ABHD17C: variants seen among roughly 807,000 people sequenced by gnomAD.
ABHD17C encodes the protein alpha/beta hydrolase domain-containing protein 17C.
ABHD17C carries 11 observed loss-of-function variants against 27.9 expected under a neutral mutation model. The observed-to-expected ratio is 0.39, with a 90% CI of 0.25 to 0.65. The LOEUF (loss-of-function observed/expected upper bound fraction) is 0.65, where lower values mean the gene tolerates loss of function less well. ABHD17C is among the 30% of genes least tolerant of loss of function. The pLI is 0.45. For synonymous variants in ABHD17C, 233 were observed against 209.1 expected (o/e 1.11, Z -0.98); for missense variants, 280 against 470.2 (o/e 0.60, Z 3.74).
chr15:80,695,314 T>G lies in ABHD17C; in HGVS notation c.-116T>G. The G allele has an allele frequency of 1.7e-6, 1 of 601,926 alleles. No individual in the cohort carries two copies. Among genetic ancestry groups the G allele is most frequent in the East Asian group, 7.5e-5 (1 of 13,422 alleles). The allele number at this position is 601,926 out of a possible 1,614,324, so 37.3% of individuals were successfully genotyped here. A position where few individuals can be genotyped will look rare whatever the true frequency, so the allele number is the denominator to read the frequency against. ...TCCTCCTGCCGCCGGGCGGGCGGGC[T>G]GCAGCCGCCCTCCGCGCTCGCCTGC... On this transcript the variant is annotated 5_prime_UTR_variant, in exon 1 of 3. Transcript: ENST00000258884. This position sits in a 1 kb window ranked among gnomAD's most constrained non-coding sequence, Gnocchi z 4.3.
At chr15:80,727,628 G>A (rs1474694062) in intron 1 of ABHD17C, among the ~76,000 whole-genome samples, 1 of 152,004 alleles carries the variant, frequency 6.6e-6, no homozygotes, top group Non-Finnish European at 1.5e-5. Flanking sequence ...GTATGGGTGA[G>A]GACTGTGAAC....
chr15:80,696,102 G>T (rs1268934735), intron 1 of ABHD17C, 83 bp downstream of exon 1: 3 of 1,373,752 alleles, frequency 2.2e-6, no homozygotes, highest in Non-Finnish European at 2.9e-6. Context: ...GGGGCGGCCT[G>T]CCAGGAGAGG....
At chr15:80,709,502 C>CA (rs944980213) in intron 1 of ABHD17C, among the ~76,000 whole-genome samples, 3 of 142,182 alleles carry the variant, frequency 2.1e-5, no homozygotes, top group African/African-American at 7.5e-5. Context: ...AAAAAAAAAA[C>CA]AAAAAAACAC....
chr15:80,752,706 A>G (rs1303021596), intron 2 of ABHD17C, among the ~76,000 whole-genome samples: 4 of 152,254 alleles, frequency 2.6e-5, no homozygotes, highest in African/African-American at 9.6e-5. Context: ...AAATATGGAA[A>G]GAGAAGTAAA....
At position 80,755,339 on chromosome 15, in the gene ABHD17C, A is replaced by G. The variant is rs1895418691; in HGVS notation, c.*969A>G. ...ATGTAATTAAAATTTCACTAAACTAATCTTTTTAGTTTAGGAATTATTTGG... is the reference window on the plus strand; with the variant it reads ...ATGTAATTAAAATTTCACTAAACTAGTCTTTTTAGTTTAGGAATTATTTGG... On this transcript the variant is annotated 3_prime_UTR_variant, in exon 3 of 3. Coordinates refer to ENST00000258884, the MANE Select transcript of ABHD17C (RefSeq NM_021214.2). 1 of 152,212 alleles carries G rather than the reference A, an allele frequency of 6.6e-6. No individual in the cohort carries two copies. Among genetic ancestry groups the G allele is most frequent in the South Asian group, 2.1e-4 (1 of 4,830 alleles). 9.4% of individuals were successfully genotyped at this position (152,212 alleles called of 1,614,324 possible).
chr15:80,708,263 C>A (rs576666399), intron 1 of ABHD17C, among the ~76,000 whole-genome samples: 11 of 152,186 alleles, frequency 7.2e-5, no homozygotes, highest in African/African-American at 2.6e-4. Flanking sequence ...TACACTAGCC[C>A]GTTCTCCCCA....
At chr15:80,723,304 C>T (rs568436672) in intron 1 of ABHD17C, among the ~76,000 whole-genome samples, 42 of 152,336 alleles carry the variant, frequency 2.8e-4, no homozygotes, top group Middle Eastern at 3.4e-3. Context: ...GGGGTCACCA[C>T]TGACTTCTCA....
At chr15:80,708,166 G>T (rs1374150357) in intron 1 of ABHD17C, among the ~76,000 whole-genome samples, 1 of 152,094 alleles carries the variant, frequency 6.6e-6, no homozygotes, top group Non-Finnish European at 1.5e-5. Flanking sequence ...TCAGCCACAC[G>T]TTTCTATTAC....
chr15:80,750,704 T>G (rs1895354307), intron 2 of ABHD17C, among the ~76,000 whole-genome samples: 1 of 152,160 alleles, frequency 6.6e-6, no homozygotes, highest in Non-Finnish European at 1.5e-5. Flanking sequence ...CATGGGAAAG[T>G]TGCACTGCAG....
At chr15:80,726,464 T>C (rs1408761076) in intron 1 of ABHD17C, among the ~76,000 whole-genome samples, 1 of 151,788 alleles carries the variant, frequency 6.6e-6, no homozygotes. Context: ...GTTTCAAGGA[T>C]TTTCCCTTCT....
chr15:80,750,933 T>C (rs1218365125), intron 2 of ABHD17C, among the ~76,000 whole-genome samples: 2 of 152,006 alleles, frequency 1.3e-5, no homozygotes, highest in African/African-American at 4.8e-5. Context: ...TACAGCCATC[T>C]CAACAAATTG....
chr15:80,711,101 A>C (rs1475178649), intron 1 of ABHD17C, among the ~76,000 whole-genome samples: 1 of 152,142 alleles, frequency 6.6e-6, no homozygotes, highest in Non-Finnish European at 1.5e-5. Context: ...CCAAAAACAA[A>C]CCTGAAAGAA....
At chr15:80,739,670 C>G (rs898229212) in intron 1 of ABHD17C, among the ~76,000 whole-genome samples, 18 of 152,190 alleles carry the variant, frequency 1.2e-4, no homozygotes, top group African/African-American at 4.1e-4. Flanking sequence ...CTTCCTGAAG[C>G]CTCACCAGAA....
intron 1 of ABHD17C, among the ~76,000 whole-genome samples, chr15:80,701,947 G>T (rs2759301): frequency 6.6e-6 from 1 of 151,640 alleles, no homozygotes; most frequent in African/African-American, 2.4e-5. Flanking sequence ...TTGCCTCACC[G>T]TGTGGTTCGG....
chr15:80,719,548 A>T (rs1296576090), intron 1 of ABHD17C, among the ~76,000 whole-genome samples: 1 of 152,158 alleles, frequency 6.6e-6, no homozygotes, highest in Non-Finnish European at 1.5e-5. Flanking sequence ...CTATCATTTG[A>T]ATTTATAAGT....
chr15:80,706,742 C>T (rs1894654028), intron 1 of ABHD17C, among the ~76,000 whole-genome samples: 2 of 152,262 alleles, frequency 1.3e-5, no homozygotes, highest in Admixed American at 6.5e-5. Flanking sequence ...ATTATATGGA[C>T]TGCAAAGGTC....
In ABHD17C at chr15:80,741,580, T is replaced by C. The variant is rs1340512879; in HGVS notation, c.591-7933T>C. Among the ~76,000 whole-genome samples the C allele has an allele frequency of 2.6e-5, 4 of 152,160 alleles. No individual in the cohort carries two copies. The South Asian group carries it at 8.3e-4, about 32-fold the overall frequency. On this transcript the variant is annotated intron_variant, in intron 1 of 2. Transcript: ENST00000258884. ...ACCAACTTCAGCAGCAGTTGTCTCT[T>C]TTCTTATTAAGTTGAGAACTTCCTA...
intron 1 of ABHD17C, among the ~76,000 whole-genome samples, chr15:80,729,833 C>T (rs1233236338): frequency 6.6e-6 from 1 of 152,090 alleles, no homozygotes; most frequent in Non-Finnish European, 1.5e-5. Flanking sequence ...GAACTCAGGC[C>T]GGGTGCAGTG....
At chr15:80,728,695 G>A (rs1377029567) in intron 1 of ABHD17C, among the ~76,000 whole-genome samples, 1 of 152,232 alleles carries the variant, frequency 6.6e-6, no homozygotes, top group African/African-American at 2.4e-5. Context: ...CTTCTGGCAT[G>A]TGAATCAAAT....
Sources: gnomAD v4.1 joint callset for allele counts (sites outside exome capture counted in the v4.1 genomes callset) on GRCh38, gnomAD v4.1.1 for gene constraint, Gnocchi (gnomAD v3.1) non-coding constraint, MANE v1.5 for transcripts, NCBI Gene and HGNC (gene_info 2026-07-23, HGNC 2026-07-21) for gene names.